Variants in TRIM43 observed in about 807,000 individuals in gnomAD.
TRIM43 encodes tripartite motif containing 43.
In TRIM43, 12 loss-of-function variants were observed where a neutral mutation model predicts 27.7. The ratio of observed to expected loss-of-function variants is 0.43; its 90% CI spans 0.28 to 0.70. The LOEUF (loss-of-function observed/expected upper bound fraction) is 0.70, where lower values mean the gene tolerates loss of function less well. TRIM43 is among the 30% of genes least tolerant of loss of function. The pLI is 0.17. For missense variants in TRIM43, 186 were observed against 356.5 expected (o/e 0.52, Z 3.85); for synonymous variants, 64 against 121.9 (o/e 0.52, Z 3.13).
At position 95,596,163 on chromosome 2, in the gene TRIM43, G is replaced by T. The variant is rs566585677; in HGVS notation, c.508-39G>T. On this transcript the variant is annotated intron_variant, in intron 3 of 6. Coordinates refer to ENST00000272395, the MANE Select transcript of TRIM43 (RefSeq NM_138800.3). ...TTGTAGGCTCTGTGAGGTGGAAGTAGGCCTGGGTATATAACCTACAAAATT... is the reference window on the plus strand; with the variant it reads ...TTGTAGGCTCTGTGAGGTGGAAGTATGCCTGGGTATATAACCTACAAAATT... 5.7e-5 allele frequency: 91 copies of T among 1,602,380 alleles called. 1 individual carries two copies. The South Asian group carries it at 9.9e-4, about 18-fold the overall frequency.
chr2:95,595,715 T>C (rs1249929849), intron 3 of TRIM43, among the ~76,000 whole-genome samples: 2 of 151,264 alleles, frequency 1.3e-5, no homozygotes, highest in Non-Finnish European at 1.5e-5. Context: ...GGCAGTGCAA[T>C]ACAGAGTCTA....
At chr2:95,593,862 C>G (rs1294629836) in intron 1 of TRIM43, among the ~76,000 whole-genome samples, 158 bp from the exon 2 acceptor site, 1 of 151,826 alleles carries the variant, frequency 6.6e-6, no homozygotes, top group African/African-American at 2.4e-5. Context: ...CTCTTTGTGC[C>G]TTAGTTTTCT....
chr2:95,596,141 T>C, intron 3 of TRIM43, 61 bp from the exon 4 acceptor site: 5 of 1,590,350 alleles, frequency 3.1e-6, no homozygotes, highest in African/African-American at 1.4e-5. Context: ...GATGAAGTTG[T>C]AGGCTCTGTG....
chr2:95,596,270 G>A lies in TRIM43; in HGVS notation c.576G>A (p.Lys192=). The A allele has an allele frequency of 6.2e-7, 1 of 1,609,568 alleles. No individual in the cohort carries two copies. Among genetic ancestry groups the A allele is most frequent in the South Asian group, 1.1e-5 (1 of 90,514 alleles). The change falls in exon 4 of 7, where the codon AAG becomes AAA. Residue 192 remains lysine, a synonymous_variant. Transcript: ENST00000272395. ...EYRKLHPVLH[K]EEKQHLERLN... ...GGAAGCTGCATCCGGTTCTCCATAAGGAAGAAAAACAACATTTAGAGAGAC... is the reference window on the plus strand; with the variant it reads ...GGAAGCTGCATCCGGTTCTCCATAAAGAAGAAAAACAACATTTAGAGAGAC...
At position 95,594,202 on chromosome 2, in the gene TRIM43, C is replaced by A; in HGVS notation, c.179C>A (p.Pro60Gln). Residue 60 changes from proline (P) to glutamine (Q), a missense_variant, in exon 2 of 7, where the codon CCG (proline) becomes CAG (glutamine). By Grantham distance (76) the Pro-to-Gln change is moderately conservative (BLOSUM62 -1). Around this residue, in one of 6 missense-constraint regions of TRIM43, gnomAD observed 29 missense variants for 78.7 expected, o/e 0.37. Coordinates refer to ENST00000272395, the MANE Select transcript of TRIM43 (RefSeq NM_138800.3). ...ANCPACREPS[P>Q]KMDFKTNILL... ...TGCCCTGCATGCAGGGAACCATCAC[C>A]GAAAATGGACTTCAAAACCAATATT... 1.2e-6 allele frequency: 2 copies of A among 1,609,910 alleles called. No homozygotes were observed. Among genetic ancestry groups the A allele is most frequent in the Non-Finnish European group, 1.7e-6 (2 of 1,177,770 alleles).
chr2:95,594,058 A>C lies in TRIM43; in HGVS notation c.35A>C (p.Glu12Ala), dbSNP rs1460493974. ...DSDFSHAFQK[E>A]LTCVICLNYL... ...GACTTCTCACATGCCTTCCAGAAGG[A>C]ACTCACCTGCGTCATCTGTTTGAAC... Residue 12 changes from glutamate (E) to alanine (A), a missense_variant, in exon 2 of 7, where the codon GAA becomes GCA. Physicochemically the swap from Glu to Ala is moderately radical, Grantham distance 107. This residue lies in a region of TRIM43 where 41 missense variants were observed against 46.1 expected (regional missense o/e 0.89). Coordinates refer to ENST00000272395, the MANE Select transcript of TRIM43 (RefSeq NM_138800.3). The C allele has an allele frequency of 1.2e-6, 2 of 1,613,070 alleles. No individual in the cohort carries two copies. Among genetic ancestry groups the C allele is most frequent in the South Asian group, 2.2e-5 (2 of 91,016 alleles).
intron 3 of TRIM43, among the ~76,000 whole-genome samples, chr2:95,595,548 A>G (rs1311954844): frequency 1.3e-5 from 2 of 150,900 alleles, no homozygotes; most frequent in African/African-American, 4.9e-5. Context: ...GAAATCTGAT[A>G]GCAAAGGACC....
rs1415445823 is a variant in TRIM43, at chr2:95,596,259, G to A, written c.565G>A (p.Val189Ile). The A allele has an allele frequency of 1.2e-6, 2 of 1,610,794 alleles. No individual in the cohort carries two copies. The highest frequency in any genetic ancestry group is 2.2e-5 in the South Asian group (2 of 90,736). Reference sequence around the variant, plus strand: ...GAATGAGTATAGGAAGCTGCATCCGGTTCTCCATAAGGAAGAAAAACAACA... The same window carrying A: ...GAATGAGTATAGGAAGCTGCATCCGATTCTCCATAAGGAAGAAAAACAACA... ...IRNEYRKLHP[V>I]LHKEEKQHLE... The change falls in exon 4 of 7, where the codon GTT becomes ATT. Residue 189 changes from valine (V) to isoleucine (I), a missense_variant. Val to Ile is a conservative substitution (Grantham distance 29). This residue lies in a region of TRIM43 where 91 missense variants were observed against 119.3 expected (regional missense o/e 0.76). Transcript: ENST00000272395.
rs140351297 is a variant in TRIM43, at chr2:95,593,689, C to G, written c.-4-331C>G. Among the ~76,000 whole-genome samples, 3 of 152,008 alleles carry G rather than the reference C, an allele frequency of 2.0e-5. No homozygotes were observed. The East Asian group carries it at 5.8e-4, about 29-fold the overall frequency. ...TTACTGATTTTCAGACCATTCAAGA[C>G]TCAAACCTTGAGTTTACAGGTTGAT... On this transcript the variant is annotated intron_variant, in intron 1 of 6. Transcript: ENST00000272395.
At chr2:95,595,476 A>T (rs1254342626) in intron 3 of TRIM43, among the ~76,000 whole-genome samples, 1 of 151,592 alleles carries the variant, frequency 6.6e-6, no homozygotes, top group Non-Finnish European at 1.5e-5. Context: ...GGTGAATATG[A>T]TATTGTCCAG....
chr2:95,592,171 T>A (rs1006081161), intron 1 of TRIM43, 22 bp downstream of exon 1: 14 of 151,794 alleles, frequency 9.2e-5, no homozygotes, highest in Non-Finnish European at 1.2e-4. Context: ...ATTTCCAGAG[T>A]AGGAGCTACT....
intron 3 of TRIM43, 69 bp from the exon 4 acceptor site, chr2:95,596,133 T>A (rs1685351466): frequency 1.3e-6 from 2 of 1,579,028 alleles, no homozygotes; most frequent in Non-Finnish European, 1.7e-6. Flanking sequence ...ATGAGGAGGA[T>A]GAAGTTGTAG....
In TRIM43 at chr2:95,594,435, G is replaced by A; in HGVS notation, c.411+1G>A. 1.9e-6 allele frequency: 3 copies of A among 1,610,642 alleles called. No individual in the cohort carries two copies. The highest frequency in any genetic ancestry group is 8.5e-7 in the Non-Finnish European group (1 of 1,179,434). The stretch of plus-strand genomic sequence containing the variant: ...CGAAGAGGCAGCTGAGGAACACCGG[G>A]TAAGAGATAGCTCTGTGATCACCTG... On this transcript the variant is annotated splice_donor_variant, in intron 2 of 6. Coordinates refer to ENST00000272395, the MANE Select transcript of TRIM43 (RefSeq NM_138800.3). LOFTEE classifies it high-confidence loss of function.
At chr2:95,593,940 T>A in intron 1 of TRIM43, 80 bp from the exon 2 acceptor site, 1 of 1,545,150 alleles carries the variant, frequency 6.5e-7, no homozygotes, top group Non-Finnish European at 8.7e-7. Flanking sequence ...TATTATTCGA[T>A]CACGATCTGA....
chr2:95,593,373 A>G (rs1342840452), intron 1 of TRIM43, among the ~76,000 whole-genome samples: 1 of 149,950 alleles, frequency 6.7e-6, no homozygotes, highest in African/African-American at 2.4e-5. Context: ...CAGGAACAGT[A>G]AACATGCCAG....
intron 1 of TRIM43, among the ~76,000 whole-genome samples, chr2:95,592,989 C>G (rs527671254): frequency 6.6e-6 from 1 of 151,638 alleles, no homozygotes; most frequent in African/African-American, 2.4e-5. Context: ...CTCCGCCTGC[C>G]GGGTTCACGC....
chr2:95,593,263 G>C (rs1685289463), intron 1 of TRIM43, among the ~76,000 whole-genome samples: 1 of 151,908 alleles, frequency 6.6e-6, no homozygotes, highest in Non-Finnish European at 1.5e-5. Context: ...AAAGAGTAAT[G>C]ATAATGCTTC....
chr2:95,592,531 G>T (rs867784272), intron 1 of TRIM43, among the ~76,000 whole-genome samples: 26 of 151,422 alleles, frequency 1.7e-4, no homozygotes, highest in Non-Finnish European at 2.4e-4. Flanking sequence ...ACCACGCCCA[G>T]CTAATTTTTG....
At chr2:95,594,857 A>C (rs529095634) in intron 2 of TRIM43, among the ~76,000 whole-genome samples, 193 bp from the exon 3 acceptor site, 1 of 151,840 alleles carries the variant, frequency 6.6e-6, no homozygotes, top group South Asian at 2.1e-4. Context: ...TTCACTCTTC[A>C]GTTCCCTAAG....
Sources: gnomAD v4.1 joint callset for allele counts (sites outside exome capture counted in the v4.1 genomes callset) on GRCh38, gnomAD v4.1.1 for gene constraint, gnomAD v4.1.1 regional missense constraint, MANE v1.5 for transcripts, NCBI Gene and HGNC (gene_info 2026-07-23, HGNC 2026-07-21) for gene names.